SPAG16: variants seen among roughly 807,000 people sequenced by gnomAD.
The protein encoded by SPAG16 is sperm-associated antigen 16 protein.
Under a neutral mutation model 80.4 loss-of-function variants are expected in SPAG16, and 86 were observed. The observed-to-expected ratio is 1.07, with a 90% CI of 0.90 to 1.28. The LOEUF is 1.28. Ranked by LOEUF, SPAG16 falls within the 50% of genes most tolerant of loss-of-function variation. The pLI is 0.00. For synonymous variants in SPAG16, 294 were observed against 265.9 expected (o/e 1.11, Z -1.03); for missense variants, 870 against 765.3 (o/e 1.14, Z -1.61).
chr2:213,575,344 G>A (rs1380809469), intron 10 of SPAG16, among the ~76,000 whole-genome samples: 2 of 151,940 alleles, frequency 1.3e-5, no homozygotes, highest in Admixed American at 1.3e-4. Context: ...TTTTGTTTTG[G>A]CATAATTATG....
At chr2:214,365,389 A>G (rs946214385) in intron 15 of SPAG16, among the ~76,000 whole-genome samples, 1 of 152,152 alleles carries the variant, frequency 6.6e-6, no homozygotes, top group Admixed American at 6.6e-5. Flanking sequence ...TTTAATAATG[A>G]CTGCCATTTT....
intron 13 of SPAG16, among the ~76,000 whole-genome samples, chr2:214,049,371 CT>C (rs149037891): frequency 6.6e-6 from 1 of 152,034 alleles, no homozygotes; most frequent in Admixed American, 6.6e-5. Context: ...ATGAAAGTTG[CT>C]TTTTTAAAAC....
At chr2:213,680,803 G>T (rs2064339555) in intron 10 of SPAG16, among the ~76,000 whole-genome samples, 1 of 152,106 alleles carries the variant, frequency 6.6e-6, no homozygotes, top group South Asian at 2.1e-4. Context: ...ATATTTTTAG[G>T]GAGGCATGAG....
At chr2:214,409,753 C>G (rs755933773) in intron 15 of SPAG16, among the ~76,000 whole-genome samples, 11 of 152,100 alleles carry the variant, frequency 7.2e-5, no homozygotes, top group Non-Finnish European at 1.3e-4. Flanking sequence ...ATTTTGAAAG[C>G]TATGCCTTTT....
intron 1 of SPAG16, among the ~76,000 whole-genome samples, chr2:213,291,551 G>A (rs1197331281): frequency 1.3e-5 from 2 of 152,192 alleles, no homozygotes; most frequent in East Asian, 1.9e-4. Context: ...TCTGTAGCCT[G>A]TAGCTCTTTT....
chr2:213,418,403 A>G (rs1471092693), intron 9 of SPAG16, among the ~76,000 whole-genome samples: 1 of 152,192 alleles, frequency 6.6e-6, no homozygotes, highest in Non-Finnish European at 1.5e-5. Context: ...TTTCCAGGGC[A>G]TGGTCTGGAG....
At chr2:213,360,714 G>A (rs2065931826) in intron 7 of SPAG16, among the ~76,000 whole-genome samples, 2 of 152,188 alleles carry the variant, frequency 1.3e-5, no homozygotes, top group Non-Finnish European at 2.9e-5. Context: ...GTGTCATGGA[G>A]CTATAGAATG....
At chr2:213,469,806 A>G (rs531109980) in intron 9 of SPAG16, among the ~76,000 whole-genome samples, 2 of 152,184 alleles carry the variant, frequency 1.3e-5, no homozygotes, top group South Asian at 4.2e-4. Flanking sequence ...AGTCCAGGTC[A>G]ATCACATCAG....
chr2:214,183,634 G>A (rs752057743), intron 15 of SPAG16, among the ~76,000 whole-genome samples: 5 of 152,034 alleles, frequency 3.3e-5, no homozygotes, highest in Non-Finnish European at 7.4e-5. Context: ...AAACCATGAT[G>A]AAAGGGAAGC....
chr2:213,830,440 A>G (rs1394026985), intron 10 of SPAG16, among the ~76,000 whole-genome samples: 1 of 152,150 alleles, frequency 6.6e-6, no homozygotes, highest in Non-Finnish European at 1.5e-5. Context: ...GTGATATGAA[A>G]TTAAAAACAG....
At chr2:213,962,497 C>A (rs2044495990) in intron 12 of SPAG16, among the ~76,000 whole-genome samples, 1 of 152,028 alleles carries the variant, frequency 6.6e-6, no homozygotes, top group Non-Finnish European at 1.5e-5. Flanking sequence ...AACTGGTATC[C>A]TTTTAAAGAG....
chr2:213,468,536 T>TATATATATATGTATTTATATATAGAG (rs1559163168), intron 9 of SPAG16, among the ~76,000 whole-genome samples: 6 of 134,686 alleles, frequency 4.5e-5, no homozygotes, highest in African/African-American at 1.4e-4. Flanking sequence ...TATATATAGA[T>TATATATATATGTATTTATATATAGAG]ATATATATAT....
chr2:214,296,091 C>A (rs1205321686), intron 15 of SPAG16, among the ~76,000 whole-genome samples: 1 of 152,172 alleles, frequency 6.6e-6, no homozygotes, highest in African/African-American at 2.4e-5. Flanking sequence ...CTATCATTTA[C>A]ATCTTTATGT....
At chr2:214,126,016 T>C (rs2054462044) in intron 14 of SPAG16, among the ~76,000 whole-genome samples, 1 of 6,442 alleles carries the variant, frequency 1.6e-4, no homozygotes, top group Non-Finnish European at 8.9e-4. Context: ...CCTTCCTTCC[T>C]TCCTTCCTTC....
intron 15 of SPAG16, among the ~76,000 whole-genome samples, chr2:214,309,036 AT>A (rs1695112480): frequency 6.6e-6 from 1 of 150,916 alleles, no homozygotes; most frequent in Non-Finnish European, 1.5e-5. Flanking sequence ...GACATTGTAC[AT>A]TTGGTCTATT....
chr2:213,626,752 A>G (rs1257741359), intron 10 of SPAG16, among the ~76,000 whole-genome samples: 2 of 149,440 alleles, frequency 1.3e-5, no homozygotes, highest in Non-Finnish European at 3.0e-5. Flanking sequence ...AGTTCAAGCA[A>G]TTCTGCTGCC....
At chr2:213,825,053 T>A (rs551215217) in intron 10 of SPAG16, among the ~76,000 whole-genome samples, 1 of 152,274 alleles carries the variant, frequency 6.6e-6, no homozygotes, top group South Asian at 2.1e-4. Flanking sequence ...AATGTAGAAA[T>A]GCTACAGATT....
At chr2:213,730,394 A>G (rs1057358225) in intron 10 of SPAG16, among the ~76,000 whole-genome samples, 2 of 152,238 alleles carry the variant, frequency 1.3e-5, no homozygotes, top group Non-Finnish European at 2.9e-5. Flanking sequence ...CTGATTTTGT[A>G]TCCTGCCCTT....
At chr2:214,383,370 C>T (rs965561702) in intron 15 of SPAG16, among the ~76,000 whole-genome samples, 1 of 151,886 alleles carries the variant, frequency 6.6e-6, no homozygotes, top group African/African-American at 2.4e-5. Flanking sequence ...GTCAGGAGTT[C>T]GAGACAAGCC....
Sources: allele counts gnomAD v4.1 joint callset (sites outside exome capture counted in the v4.1 genomes callset), GRCh38; gene constraint gnomAD v4.1.1; transcripts MANE v1.5; gene names NCBI Gene and HGNC (gene_info 2026-07-23, HGNC 2026-07-21).